The following TTYH1 variants were observed in gnomAD, a reference collection of about 807,000 sequenced individuals.
The protein encoded by TTYH1 is tweety family member 1, also known as protein tweety homolog 1.
TTYH1 carries 33 observed loss-of-function variants against 61.2 expected under a neutral mutation model. The ratio of observed to expected loss-of-function variants is 0.54; its 90% CI spans 0.41 to 0.72. TTYH1 has a LOEUF of 0.72. TTYH1 is among the 30% of genes least tolerant of loss of function. TTYH1 has a pLI of 0.00. For synonymous variants in TTYH1, 308 were observed against 266.4 expected (o/e 1.16, Z -1.52); for missense variants, 538 against 575.8 (o/e 0.93, Z 0.67).
At position 54,416,922 on chromosome 19, in the gene TTYH1, G is replaced by C; in HGVS notation, c.126+1244G>C. On this transcript the variant is annotated intron_variant, in intron 1 of 13. Transcript: ENST00000376530. The surrounding 1 kb of genome is among the most constrained non-coding windows in gnomAD (Gnocchi z 7.0). ...GGATCCGCGGCCCCAGTCACCGCCA[G>C]AGGCACGGGTTTGGGGGAGCCTCAC... 3 of 1,280,964 alleles carry C rather than the reference G, an allele frequency of 2.3e-6. No individual in the cohort carries two copies. The highest frequency in any genetic ancestry group is 3.1e-6 in the Non-Finnish European group (3 of 983,392). 79.3% of individuals were successfully genotyped at this position (1,280,964 alleles called of 1,614,324 possible).
chr19:54,436,354 G>A lies in TTYH1; in HGVS notation c.*64G>A. On this transcript the variant is annotated 3_prime_UTR_variant, in exon 14 of 14. Coordinates refer to ENST00000376530, the MANE Select transcript of TTYH1 (RefSeq NM_020659.4). This position sits in a 1 kb window ranked among gnomAD's most constrained non-coding sequence, Gnocchi z 4.3. ...GCAGTTCCTTCCCTGGCTGCCGGAG[G>A]AGACCCCACTAACCCAGCCTGCCTG... The A allele has an allele frequency of 6.2e-7, 1 of 1,614,042 alleles. No homozygotes were observed. The highest frequency in any genetic ancestry group is 8.5e-7 in the Non-Finnish European group (1 of 1,179,996).
chr19:54,421,290 A>G lies in TTYH1; in HGVS notation c.319A>G (p.Ile107Val). Residue 107 changes from isoleucine to valine, a missense_variant, in exon 3 of 14, where the codon ATC becomes GTC. This residue lies in a region of TTYH1 where 157 missense variants were observed against 157.0 expected (regional missense o/e 1.00). Coordinates refer to ENST00000376530, the MANE Select transcript of TTYH1 (RefSeq NM_020659.4). The surrounding 1 kb of genome is among the most constrained non-coding windows in gnomAD (Gnocchi z 4.8). ...ALLAGCTGIGIGFYGNSETSD... is the reference protein window; with the variant it reads ...ALLAGCTGIGVGFYGNSETSD... ...TCCTCCGCTCAGCACTGGCATTGGCATCGGTTTCTATGGCAACAGTGAGAC... is the reference window on the plus strand; with the variant it reads ...TCCTCCGCTCAGCACTGGCATTGGCGTCGGTTTCTATGGCAACAGTGAGAC... 1 of 1,612,988 alleles carries G rather than the reference A, an allele frequency of 6.2e-7. No homozygotes were observed. The highest frequency in any genetic ancestry group is 1.1e-5 in the South Asian group (1 of 91,070).
Position 54,429,263 on chromosome 19 carries a change from A to G in TTYH1, c.735-44A>G, listed in dbSNP as rs2083385710. 6.4e-7 allele frequency: 1 copy of G among 1,569,626 alleles called. No individual in the cohort carries two copies. Among genetic ancestry groups the G allele is most frequent in the Admixed American group, 1.7e-5 (1 of 59,902 alleles). ...TTGGGGTGTGGAAAGAGGCTAGGCT[A>G]GGAGATTAAGAACCCCGGGCTGATC... On this transcript the variant is annotated intron_variant, in intron 5 of 13. Transcript: ENST00000376530. This position sits in a 1 kb window ranked among gnomAD's most constrained non-coding sequence, Gnocchi z 5.1.
chr19:54,415,656 C>A lies in TTYH1; in HGVS notation c.104C>A (p.Pro35His). 6.4e-7 allele frequency: 1 copy of A among 1,564,334 alleles called. No individual in the cohort carries two copies. Among genetic ancestry groups the A allele is most frequent in the Non-Finnish European group, 8.6e-7 (1 of 1,162,898 alleles). ...CGCCCGGTGCCCAGCGTTTTCGCGC[C>A]CCAAGAGCAGGAATACCAGCAGGTG... ...QLRPVPSVFA[P>H]QEQEYQQALL... Residue 35 changes from proline to histidine, a missense_variant, in exon 1 of 14, where the codon CCC becomes CAC. By Grantham distance (77) the Pro-to-His change is moderately conservative. This residue lies in a region of TTYH1 where 157 missense variants were observed against 157.0 expected (regional missense o/e 1.00). Coordinates refer to ENST00000376530, the MANE Select transcript of TTYH1 (RefSeq NM_020659.4). This position sits in a 1 kb window ranked among gnomAD's most constrained non-coding sequence, Gnocchi z 5.2.
At chr19:54,422,464 CG>C (rs979403378) in intron 4 of TTYH1, 54 bp downstream of exon 4, 3 of 1,433,068 alleles carry the variant, frequency 2.1e-6, no homozygotes, top group Non-Finnish European at 2.8e-6. Flanking sequence ...GCGGAGTCCC[CG>C]GGGGGACAGT....
chr19:54,431,088 T>C lies in TTYH1; in HGVS notation c.1033-11T>C. On this transcript the variant is annotated splice_polypyrimidine_tract_variant and intron_variant, in intron 9 of 13. Coordinates refer to ENST00000376530, the MANE Select transcript of TTYH1 (RefSeq NM_020659.4). ...GAGTTCGTGGGAAAACGACCCCTCC[T>C]CGCCCCGCAGAAGCCTCTGCTGTCC... 1 of 1,608,070 alleles carries C rather than the reference T, an allele frequency of 6.2e-7. No homozygotes were observed. Among genetic ancestry groups the C allele is most frequent in the Non-Finnish European group, 8.5e-7 (1 of 1,174,650 alleles).
chr19:54,436,872 T>TA lies in TTYH1; in HGVS notation c.*601dup, dbSNP rs111972166. On this transcript the variant is annotated 3_prime_UTR_variant, in exon 14 of 14. Transcript: ENST00000376530. The surrounding 1 kb of genome is among the most constrained non-coding windows in gnomAD (Gnocchi z 4.3). The stretch of plus-strand genomic sequence containing the variant: ...CAAGGGGTCCAAAGACATTGTTCTT[T>TA]AAAAAAAAAAAAAAAAAAATCAAAA... The TA allele has an allele frequency of 0.044, 5,727 of 129,328 alleles. 195 individuals are homozygous for TA. The highest frequency in any genetic ancestry group is 0.1 in the African/African-American group (3,523 of 35,234). The allele number at this position is 129,328 out of a possible 1,614,324, so 8.0% of individuals were successfully genotyped here.
At position 54,415,616 on chromosome 19, in the gene TTYH1, G is replaced by T; in HGVS notation, c.64G>T (p.Ala22Ser). ...GCATCTCCTCCACCAGCTGCCCCGC[G>T]CCGACTTCCAGCTCCGCCCGGTGCC... is the stretch of plus-strand genomic sequence containing the variant. ...WVHLLHQLPR[A>S]DFQLRPVPSV... is the part of the protein sequence containing the mutation. The change falls in exon 1 of 14, where the codon GCC becomes TCC. Residue 22 changes from alanine to serine, a missense_variant. By Grantham distance (99) the Ala-to-Ser change is moderately conservative (BLOSUM62 1). Transcript: ENST00000376530. This position sits in a 1 kb window ranked among gnomAD's most constrained non-coding sequence, Gnocchi z 5.2. 1 of 1,561,412 alleles carries T rather than the reference G, an allele frequency of 6.4e-7. No individual in the cohort carries two copies. The highest frequency in any genetic ancestry group is 8.6e-7 in the Non-Finnish European group (1 of 1,161,146).
At position 54,429,707 on chromosome 19, in the gene TTYH1, C is replaced by A. The variant is rs995506136; in HGVS notation, c.808-175C>A. ...GAGAAAGGGCTGGAGAGTCTGAACCCCTGAGTCTGAGGGACGAGGGGCCTG... is the reference window on the plus strand; with the variant it reads ...GAGAAAGGGCTGGAGAGTCTGAACCACTGAGTCTGAGGGACGAGGGGCCTG... On this transcript the variant is annotated intron_variant, in intron 6 of 13. Transcript: ENST00000376530. This position sits in a 1 kb window ranked among gnomAD's most constrained non-coding sequence, Gnocchi z 5.1. Among the ~76,000 whole-genome samples the A allele has an allele frequency of 4.6e-5, 7 of 151,000 alleles. No individual in the cohort carries two copies. The highest frequency in any genetic ancestry group is 1.5e-5 in the Non-Finnish European group (1 of 67,728).
At chr19:54,417,842 G>A (rs1007819205) in intron 1 of TTYH1, among the ~76,000 whole-genome samples, 1 of 151,938 alleles carries the variant, frequency 6.6e-6, no homozygotes, top group Non-Finnish European at 1.5e-5. Context: ...CCACTCACAG[G>A]CCCAAGGAAC....
chr19:54,429,762 G>C lies in TTYH1; in HGVS notation c.808-120G>C. ...CTGGACTCCTGAGTCTGAGGGAAGA[G>C]GGGCTGGGACCTGGACCCCTGGGTG... On this transcript the variant is annotated intron_variant, in intron 6 of 13. Coordinates refer to ENST00000376530, the MANE Select transcript of TTYH1 (RefSeq NM_020659.4). This position sits in a 1 kb window ranked among gnomAD's most constrained non-coding sequence, Gnocchi z 5.1. 1.2e-6 allele frequency: 1 copy of C among 835,562 alleles called. No individual in the cohort carries two copies. Among genetic ancestry groups the C allele is most frequent in the Non-Finnish European group, 2.0e-6 (1 of 512,548 alleles). The allele number at this position is 835,562 out of a possible 1,614,324, so 51.8% of individuals were successfully genotyped here. A position where few individuals can be genotyped will look rare whatever the true frequency, so the allele number is the denominator to read the frequency against.
chr19:54,428,408 T>C (rs897654514), intron 5 of TTYH1, among the ~76,000 whole-genome samples: 4 of 151,900 alleles, frequency 2.6e-5, no homozygotes, highest in African/African-American at 9.7e-5. Flanking sequence ...TATATTTTTG[T>C]AGAGATGGAG....
At position 54,421,236 on chromosome 19, in the gene TTYH1, C is replaced by G. The variant is rs975947821; in HGVS notation, c.306-41C>G. The G allele has an allele frequency of 6.9e-7, 1 of 1,448,960 alleles. No individual in the cohort carries two copies. The highest frequency in any genetic ancestry group is 9.7e-7 in the Non-Finnish European group (1 of 1,031,030). The allele number at this position is 1,448,960 out of a possible 1,614,324, so 89.8% of individuals were successfully genotyped here. A position where few individuals can be genotyped will look rare whatever the true frequency, so the allele number is the denominator to read the frequency against. Reference sequence around the variant, plus strand: ...GGAGGGGACGGTGGCCCCCGGGGTCCTGGGACCCGCTGAGATTCCTCTCCC... The same window carrying G: ...GGAGGGGACGGTGGCCCCCGGGGTCGTGGGACCCGCTGAGATTCCTCTCCC... On this transcript the variant is annotated intron_variant, in intron 2 of 13. Coordinates refer to ENST00000376530, the MANE Select transcript of TTYH1 (RefSeq NM_020659.4). The surrounding 1 kb of genome is among the most constrained non-coding windows in gnomAD (Gnocchi z 4.8).
chr19:54,422,519 G>A (rs1456884632), intron 4 of TTYH1, 109 bp downstream of exon 4: 2 of 907,224 alleles, frequency 2.2e-6, no homozygotes, highest in Non-Finnish European at 3.3e-6. Flanking sequence ...GCTGGGGAGT[G>A]TGTGCGCACT....
At chr19:54,430,144 G>A (rs1335127881) in intron 7 of TTYH1, among the ~76,000 whole-genome samples, 187 bp downstream of exon 7, 4 of 152,122 alleles carry the variant, frequency 2.6e-5, no homozygotes, top group African/African-American at 9.7e-5. Context: ...CTGGAGCCCC[G>A]CCACCCGCCA....
chr19:54,431,349 C>A, intron 10 of TTYH1, 158 bp downstream of exon 10: 1 of 613,474 alleles, frequency 1.6e-6, no homozygotes, highest in Non-Finnish European at 2.9e-6. Context: ...CTATTCTCTA[C>A]CTATTTATAA....
At chr19:54,432,393 G>A (rs545598095) in intron 10 of TTYH1, 42 of 152,340 alleles carry the variant, frequency 2.8e-4, no homozygotes, top group African/African-American at 9.4e-4. Flanking sequence ...ATGCTATGAA[G>A]AAGGAACTAT....
chr19:54,421,128 G>A lies in TTYH1; in HGVS notation c.306-149G>A, dbSNP rs1035947239. 44 of 625,882 alleles carry A rather than the reference G, an allele frequency of 7.0e-5. No homozygotes were observed. Among genetic ancestry groups the A allele is most frequent in the South Asian group, 4.0e-4 (22 of 55,034 alleles). The allele number at this position is 625,882 out of a possible 1,614,324, so 38.8% of individuals were successfully genotyped here. The stretch of plus-strand genomic sequence containing the variant: ...AACCGACGGGGGCCAGGCTGAAGTC[G>A]CCCTTTTCCCACGGGCTGGCCCAAT... On this transcript the variant is annotated intron_variant, in intron 2 of 13. Transcript: ENST00000376530. The surrounding 1 kb of genome is among the most constrained non-coding windows in gnomAD (Gnocchi z 4.8).
At chr19:54,422,517 G>A (rs890406420) in intron 4 of TTYH1, 107 bp downstream of exon 4, 8 of 953,202 alleles carry the variant, frequency 8.4e-6, no homozygotes, top group African/African-American at 1.6e-5. Flanking sequence ...CAGCTGGGGA[G>A]TGTGTGCGCA....
Sources: gnomAD v4.1 joint callset for allele counts (sites outside exome capture counted in the v4.1 genomes callset) on GRCh38, gnomAD v4.1.1 for gene constraint, gnomAD v4.1.1 regional missense constraint, Gnocchi (gnomAD v3.1) non-coding constraint, MANE v1.5 for transcripts, NCBI Gene and HGNC (gene_info 2026-07-23, HGNC 2026-07-21) for gene names.